SPTBN1: variants seen among roughly 807,000 people sequenced by gnomAD.
The protein encoded by SPTBN1 is spectrin beta chain, non-erythrocytic 1.
Under a neutral mutation model 266.4 loss-of-function variants are expected in SPTBN1, and 32 were observed. The ratio of observed to expected loss-of-function variants is 0.12; its 90% CI spans 0.09 to 0.16. The LOEUF (loss-of-function observed/expected upper bound fraction) is 0.16, where lower values mean the gene tolerates loss of function less well. Ranked by LOEUF, SPTBN1 falls within the 10% of genes least tolerant of loss-of-function variation. SPTBN1 has a pLI of 1.00. For synonymous variants in SPTBN1, 1,336 were observed against 1,162.2 expected (o/e 1.15, Z -3.04); for missense variants, 2,296 against 3,067.1 (o/e 0.75, Z 5.94).
chr2:54,645,207 G>T lies in SPTBN1; in HGVS notation c.4270-22G>T, dbSNP rs1415290255. ...CAAAAGATAGTCTGTGCTGAGCGCT[G>T]AGGCTGCTTCTCTGCCCTCAGATGC... On this transcript the variant is annotated intron_variant, in intron 20 of 35. Coordinates refer to ENST00000356805, the MANE Select transcript of SPTBN1 (RefSeq NM_003128.3). This position sits in a 1 kb window ranked among gnomAD's most constrained non-coding sequence, Gnocchi z 4.3. 3.1e-6 allele frequency: 5 copies of T among 1,613,474 alleles called. No homozygotes were observed. The highest frequency in any genetic ancestry group is 4.2e-6 in the Non-Finnish European group (5 of 1,179,598).
At chr2:54,627,963 G>T in intron 12 of SPTBN1, 134 bp from the exon 13 acceptor site, 2 of 988,888 alleles carry the variant, frequency 2.0e-6, no homozygotes. Context: ...ATCTTCCCCT[G>T]AAGGTGTGGG....
At position 54,670,446 on chromosome 2, in the gene SPTBN1, G is replaced by C; in HGVS notation, c.*1877G>C. The stretch of plus-strand genomic sequence containing the variant: ...CAGCCCTGGGCTCCACAGCTGCGTG[G>C]CATCAAAGCTTTCTCTTAACTCTCT... On this transcript the variant is annotated 3_prime_UTR_variant, in exon 36 of 36. Coordinates refer to ENST00000356805, the MANE Select transcript of SPTBN1 (RefSeq NM_003128.3). The C allele has an allele frequency of 2.7e-6, 1 of 366,778 alleles. No individual in the cohort carries two copies. The highest frequency in any genetic ancestry group is 4.8e-6 in the Non-Finnish European group (1 of 206,564). The allele number at this position is 366,778 out of a possible 1,614,324, so 22.7% of individuals were successfully genotyped here. A position where few individuals can be genotyped will look rare whatever the true frequency, so the allele number is the denominator to read the frequency against.
intron 32 of SPTBN1, chr2:54,660,854 C>T (rs1253237692): frequency 2.5e-5 from 25 of 985,310 alleles, no homozygotes; most frequent in Middle Eastern, 5.2e-4. Context: ...GCACGTGGGA[C>T]GCGGCAGGTG....
chr2:54,490,168 T>G (rs1284985183), intron 1 of SPTBN1, among the ~76,000 whole-genome samples: 1 of 151,304 alleles, frequency 6.6e-6, no homozygotes, highest in Non-Finnish European at 1.5e-5. Context: ...GCCTCCCAGG[T>G]TCAAGCGATT....
intron 2 of SPTBN1, among the ~76,000 whole-genome samples, chr2:54,576,074 A>ATTTTTTTTT (rs1209132160): frequency 0.017 from 1,571 of 93,742 alleles, 316 homozygotes; most frequent in South Asian, 0.037. Flanking sequence ...TTTTTTTTTG[A>ATTTTTTTTT]GAGACAGTCT....
rs1360259664 is a variant in SPTBN1, at chr2:54,582,627, G to C, written c.149-16465G>C. Among the ~76,000 whole-genome samples, 4 of 151,830 alleles carry C rather than the reference G, an allele frequency of 2.6e-5. No individual in the cohort carries two copies. The South Asian group carries it at 8.3e-4, about 32-fold the overall frequency. ...GATGAGGGCTTCTGCACTGAATTACGTAAAACTCCCATTTCGGAATTATCA... is the reference window on the plus strand; with the variant it reads ...GATGAGGGCTTCTGCACTGAATTACCTAAAACTCCCATTTCGGAATTATCA... On this transcript the variant is annotated intron_variant, in intron 2 of 35. Transcript: ENST00000356805.
rs1443450901 is a variant in SPTBN1 at position 54,668,587 on chromosome 2, C to T, written c.*18C>T. 1.9e-6 allele frequency: 3 copies of T among 1,588,600 alleles called. No homozygotes were observed. The highest frequency in any genetic ancestry group is 2.3e-5 in the East Asian group (1 of 43,262). On this transcript the variant is annotated 3_prime_UTR_variant, in exon 36 of 36. Transcript: ENST00000356805. ...AGAAATGAACTCCTTTCCTTCACCT[C>T]CTGCCCTTCTCTTACCTTTTCAGTG...
rs1036103212 is a variant in SPTBN1, at chr2:54,630,181, G to A, written c.2807+152G>A. ...GGCATTGGCACCTGCCTTTTGACAT[G>A]TCCTTGTTTTGTAAGAAGTGTCTCT... is the stretch of plus-strand genomic sequence containing the variant. On this transcript the variant is annotated intron_variant, in intron 15 of 35. Coordinates refer to ENST00000356805, the MANE Select transcript of SPTBN1 (RefSeq NM_003128.3). 7 of 1,080,912 alleles carry A rather than the reference G, an allele frequency of 6.5e-6. No individual in the cohort carries two copies. The African/African-American group carries it at 9.5e-5, about 15-fold the overall frequency. The allele number at this position is 1,080,912 out of a possible 1,614,324, so 67.0% of individuals were successfully genotyped here. A position where few individuals can be genotyped will look rare whatever the true frequency, so the allele number is the denominator to read the frequency against.
intron 2 of SPTBN1, among the ~76,000 whole-genome samples, chr2:54,574,719 G>A (rs7599241): frequency 0.32 from 48,004 of 151,922 alleles, 9,389 homozygotes; most frequent in African/African-American, 0.56. Flanking sequence ...AGTCTGGTTT[G>A]GAATTGCAGG....
chr2:54,638,938 T>C (rs756029799), intron 18 of SPTBN1, among the ~76,000 whole-genome samples: 1 of 152,232 alleles, frequency 6.6e-6, no homozygotes, highest in Non-Finnish European at 1.5e-5. Context: ...TTTGCATCCG[T>C]TAAACTGCTG....
chr2:54,457,988 C>T (rs1010956092), intron 1 of SPTBN1, among the ~76,000 whole-genome samples: 1 of 152,226 alleles, frequency 6.6e-6, no homozygotes, highest in African/African-American at 2.4e-5. Flanking sequence ...GCAGGAAGGA[C>T]TGGGCCCAGT....
chr2:54,507,094 T>C (rs1043950716), intron 1 of SPTBN1, among the ~76,000 whole-genome samples: 2 of 152,100 alleles, frequency 1.3e-5, no homozygotes, highest in East Asian at 1.9e-4. Flanking sequence ...GGAGATTATA[T>C]AGAACCTTCT....
At chr2:54,609,575 A>T (rs943888235) in intron 3 of SPTBN1, among the ~76,000 whole-genome samples, 5 of 152,052 alleles carry the variant, frequency 3.3e-5, no homozygotes, top group African/African-American at 1.2e-4. Context: ...ATCTTTCCAT[A>T]GAGTTTTGTG....
Position 54,557,728 on chromosome 2 carries a change from C to T in SPTBN1, c.148+31162C>T, listed in dbSNP as rs375165776. On this transcript the variant is annotated intron_variant, in intron 2 of 35. Transcript: ENST00000356805. ...GTGCTCCCATAAATCTTCCTTGCGT[C>T]GAATTCCTATCATAGGCCCGTGTTA... 70 of 985,418 alleles carry T rather than the reference C, an allele frequency of 7.1e-5. 2 individuals carry two copies. In the East Asian group the frequency reaches 2.4e-3, roughly 34 times the overall value. 61.0% of individuals were successfully genotyped at this position (985,418 alleles called of 1,614,324 possible).
At position 54,664,521 on chromosome 2, in the gene SPTBN1, G is replaced by C. The variant is rs1225507175; in HGVS notation, c.6489G>C (p.Glu2163Asp). 3 of 1,614,134 alleles carry C rather than the reference G, an allele frequency of 1.9e-6. No individual in the cohort carries two copies. Reference sequence around the variant, plus strand: ...CAGAACAAAGGACGAGCTCTAAAGAGTCCAGCCCCATCCCCTCCCCGACCT... The same window carrying C: ...CAGAACAAAGGACGAGCTCTAAAGACTCCAGCCCCATCCCCTCCCCGACCT... ...GATEQRTSSK[E>D]SSPIPSPTSD... Residue 2163 changes from glutamate to aspartate, a missense_variant, in exon 33 of 36, where the codon GAG becomes GAC. By Grantham distance (45) the Glu-to-Asp change is conservative. Coordinates refer to ENST00000356805, the MANE Select transcript of SPTBN1 (RefSeq NM_003128.3). The surrounding 1 kb of genome is among the most constrained non-coding windows in gnomAD (Gnocchi z 5.6).
At chr2:54,541,853 T>G (rs1397873969) in intron 2 of SPTBN1, among the ~76,000 whole-genome samples, 1 of 152,258 alleles carries the variant, frequency 6.6e-6, no homozygotes, top group Non-Finnish European at 1.5e-5. Context: ...TATGGGTGTA[T>G]TTGTGTGTAT....
intron 1 of SPTBN1, among the ~76,000 whole-genome samples, chr2:54,486,311 G>A (rs1668386385): frequency 6.6e-6 from 1 of 152,050 alleles, no homozygotes; most frequent in Non-Finnish European, 1.5e-5. Flanking sequence ...CTGAGAAATC[G>A]GATGGTTGCC....
rs759145266 is a variant in SPTBN1, at chr2:54,629,028, G to A, written c.1894G>A (p.Ala632Thr). 2 of 1,613,744 alleles carry A rather than the reference G, an allele frequency of 1.2e-6. No individual in the cohort carries two copies. Among genetic ancestry groups the A allele is most frequent in the South Asian group, 1.1e-5 (1 of 91,084 alleles). Residue 632 changes from alanine to threonine, a missense_variant, in exon 14 of 36, where the codon GCC (alanine) becomes ACC (threonine). Transcript: ENST00000356805. ...ELCQLAAERR[A>T]RLEESRRLWK... ...TTGCCAGCTGGCGGCTGAGCGCAGG[G>A]CCCGTCTGGAAGAGTCCCGCCGCCT... is the stretch of plus-strand genomic sequence containing the variant.
At chr2:54,505,075 A>G (rs1468716008) in intron 1 of SPTBN1, among the ~76,000 whole-genome samples, 1 of 152,262 alleles carries the variant, frequency 6.6e-6, no homozygotes, top group Non-Finnish European at 1.5e-5. Context: ...TCAGTTAAAC[A>G]TAGAGCTGGA....
Sources: gnomAD v4.1 joint callset for allele counts (sites outside exome capture counted in the v4.1 genomes callset) on GRCh38, gnomAD v4.1.1 for gene constraint, Gnocchi (gnomAD v3.1) non-coding constraint, MANE v1.5 for transcripts, NCBI Gene and HGNC (gene_info 2026-07-23, HGNC 2026-07-21) for gene names.